Variants in CHN2 observed in about 807,000 individuals in gnomAD.
The protein encoded by CHN2 is beta-chimaerin.
In CHN2, 35 loss-of-function variants were observed where a neutral mutation model predicts 56.3. The observed-to-expected ratio is 0.62, with a 90% confidence interval of 0.47 to 0.82. The LOEUF is 0.82. Ranked by LOEUF, CHN2 falls within the 40% of genes least tolerant of loss-of-function variation. CHN2 has a pLI of 0.00. For missense variants in CHN2, 491 were observed against 580.5 expected (o/e 0.85, Z 1.58); for synonymous variants, 210 against 212.8 (o/e 0.99, Z 0.12).
At chr7:29,348,857 A>G (rs1360224528) in intron 1 of CHN2, among the ~76,000 whole-genome samples, 1 of 152,218 alleles carries the variant, frequency 6.6e-6, no homozygotes, top group Non-Finnish European at 1.5e-5. Flanking sequence ...AGTAAGCAGA[A>G]GAAGAAAATA....
rs1216887954 is a variant in CHN2, at chr7:29,273,326, CATATATATATATATGTGTATATATAT to C, written c.49+78351_49+78376del. Among the ~76,000 whole-genome samples, 52 of 79,786 alleles carry C rather than the reference CATATATATATATATGTGTATATATAT, an allele frequency of 6.5e-4. 2 individuals carry two copies. Among genetic ancestry groups the C allele is most frequent in the South Asian group, 1.3e-3 (3 of 2,346 alleles). The allele number at this position is 79,786 out of a possible 152,430, so 52.3% of individuals were successfully genotyped here. A position where few individuals can be genotyped will look rare whatever the true frequency, so the allele number is the denominator to read the frequency against. On this transcript the variant is annotated intron_variant, in intron 1 of 12. Transcript: ENST00000222792. ...TAAGGCTGAATAATATTCCATCATG[CATATATATATATATGTGTATATATAT>C]ATATATATATATATATATATATATA...
intron 3 of CHN2, 82 bp from the exon 4 acceptor site, chr7:29,393,597 A>G: frequency 1.6e-6 from 1 of 616,056 alleles, no homozygotes; most frequent in South Asian, 1.7e-5. Flanking sequence ...CCAGGACCCT[A>G]GTTCTGTTTA....
chr7:29,245,446 A>T (rs997160036), intron 1 of CHN2, among the ~76,000 whole-genome samples: 19 of 152,228 alleles, frequency 1.2e-4, no homozygotes, highest in African/African-American at 4.3e-4. Context: ...GGTGGTAGGT[A>T]CTTCAGTGGG....
rs150906841 is a variant in CHN2, at chr7:29,513,979, A to G, written c.*1244A>G. ...TAGATTTTTAAAAAATCCAACTGCA[A>G]TGTCTTTTCCTTTGATTGAGATGAT... On this transcript the variant is annotated 3_prime_UTR_variant, in exon 13 of 13. Coordinates refer to ENST00000222792, the MANE Select transcript of CHN2 (RefSeq NM_004067.4). 1.0e-4 allele frequency: 16 copies of G among 152,740 alleles called. No individual in the cohort carries two copies. Among genetic ancestry groups the G allele is most frequent in the Middle Eastern group, 3.4e-3 (1 of 294 alleles). 9.5% of individuals were successfully genotyped at this position (152,740 alleles called of 1,614,324 possible).
chr7:29,345,089 C>A (rs1216626992), intron 1 of CHN2, among the ~76,000 whole-genome samples: 2 of 152,198 alleles, frequency 1.3e-5, no homozygotes, highest in Non-Finnish European at 2.9e-5. Flanking sequence ...CTGGGCTCCC[C>A]TCTCCAGGCC....
intron 5 of CHN2, among the ~76,000 whole-genome samples, chr7:29,399,381 G>T (rs186512587): frequency 6.6e-6 from 1 of 152,178 alleles, no homozygotes; most frequent in African/African-American, 2.4e-5. Context: ...GGAACCTGTC[G>T]TGAGGGCAGT....
At chr7:29,162,922 A>G (rs886745215) in intron 2 of CHN2, among the ~76,000 whole-genome samples, 3 of 152,238 alleles carry the variant, frequency 2.0e-5, no homozygotes, top group Non-Finnish European at 4.4e-5. Context: ...TACATGTGAT[A>G]AAACGTTATA....
intron 3 of CHN2, among the ~76,000 whole-genome samples, chr7:29,390,791 T>TG (rs1801302786): frequency 6.6e-6 from 1 of 152,168 alleles, no homozygotes; most frequent in Admixed American, 6.5e-5. Flanking sequence ...AAGGCACTGC[T>TG]GGGGGCACAG....
At position 29,379,547 on chromosome 7, in the gene CHN2, A is replaced by T. The variant is rs1490710804; in HGVS notation, c.144+11560A>T. On this transcript the variant is annotated intron_variant, in intron 3 of 12. Coordinates refer to ENST00000222792, the MANE Select transcript of CHN2 (RefSeq NM_004067.4). The stretch of plus-strand genomic sequence containing the variant: ...TGGATAGAGGAATGAAAAAATATAT[A>T]TGCTGTAAAGCAAGAATAGTAAAAA... Among the ~76,000 whole-genome samples the T allele has an allele frequency of 3.9e-5, 6 of 152,374 alleles. No individual in the cohort carries two copies. The East Asian group carries it at 1.2e-3, about 29-fold the overall frequency.
At chr7:29,458,377 GCACACACACA>G (rs58364010) in intron 6 of CHN2, among the ~76,000 whole-genome samples, 42,615 of 135,796 alleles carry the variant, frequency 0.31, 6,192 homozygotes, top group East Asian at 0.39. Context: ...GCATAGCTGT[GCACACACACA>G]CACACACACA....
intron 1 of CHN2, among the ~76,000 whole-genome samples, chr7:29,290,167 G>A (rs566197219): frequency 9.9e-5 from 15 of 152,188 alleles, no homozygotes; most frequent in Non-Finnish European, 1.6e-4. Context: ...CACAAGGACC[G>A]TTTGACCAAA....
intron 1 of CHN2, among the ~76,000 whole-genome samples, chr7:29,312,189 C>T (rs1346915353): frequency 6.6e-6 from 1 of 151,562 alleles, no homozygotes; most frequent in East Asian, 2.0e-4. Context: ...AATGGCATTA[C>T]ATTTCTCATT....
intron 1 of CHN2, among the ~76,000 whole-genome samples, chr7:29,206,324 C>A (rs192880428): frequency 6.6e-6 from 1 of 152,234 alleles, no homozygotes; most frequent in Admixed American, 6.5e-5. Context: ...CTCTATCGCC[C>A]AGGCTGGAGT....
rs1554366761 is a variant in CHN2, at chr7:29,220,278, A to AGAGAGAGAG, written c.49+25288_49+25289insGAGAGAGAG. 1.9e-4 allele frequency among the ~76,000 whole-genome samples: 7 copies of AGAGAGAGAG among 37,754 alleles called. No homozygotes were observed. The South Asian group carries it at 3.5e-3, about 19-fold the overall frequency. The allele number at this position is 37,754 out of a possible 152,430, so 24.8% of individuals were successfully genotyped here. A position where few individuals can be genotyped will look rare whatever the true frequency, so the allele number is the denominator to read the frequency against. On this transcript the variant is annotated intron_variant, in intron 1 of 12. Transcript: ENST00000222792. ...GAGGGAGACCCTGTCTTAAAAAAAA[A>AGAGAGAGAG]AAAGAGAGAGAGAGAGAGAGAGAAA...
At chr7:29,407,743 C>T (rs762866326) in intron 6 of CHN2, among the ~76,000 whole-genome samples, 3 of 152,182 alleles carry the variant, frequency 2.0e-5, no homozygotes, top group Non-Finnish European at 2.9e-5. Context: ...AGATTACATC[C>T]GCTCATGAGA....
At chr7:29,219,060 G>A (rs73684625) in intron 1 of CHN2, among the ~76,000 whole-genome samples, 6 of 152,280 alleles carry the variant, frequency 3.9e-5, no homozygotes, top group African/African-American at 1.4e-4. Context: ...GGAGACTGAT[G>A]CAGTGCGTAT....
At position 29,413,318 on chromosome 7, in the gene CHN2, CTT is replaced by C. The variant is rs564188312; in HGVS notation, c.576+12492_576+12493del. Among the ~76,000 whole-genome samples, 34 of 152,342 alleles carry C rather than the reference CTT, an allele frequency of 2.2e-4. No homozygotes were observed. In the East Asian group the frequency reaches 6.6e-3, roughly 29 times the overall value. ...AAAGCACTGTCATTTGCAAGAGACACTTTAATACCCAAGTTGAGGATTAGAAG... is the reference window on the plus strand; with the variant it reads ...AAAGCACTGTCATTTGCAAGAGACACTAATACCCAAGTTGAGGATTAGAAG... On this transcript the variant is annotated intron_variant, in intron 6 of 12. Coordinates refer to ENST00000222792, the MANE Select transcript of CHN2 (RefSeq NM_004067.4).
chr7:29,152,384 A>G (rs183229649), intron 2 of CHN2, among the ~76,000 whole-genome samples: 50 of 152,276 alleles, frequency 3.3e-4, no homozygotes, highest in Non-Finnish European at 6.5e-4. Context: ...AGGTGCCAGA[A>G]AGCCAGTCCC....
At chr7:29,411,614 C>T (rs1245231429) in intron 6 of CHN2, among the ~76,000 whole-genome samples, 1 of 152,184 alleles carries the variant, frequency 6.6e-6, no homozygotes, top group African/African-American at 2.4e-5. Context: ...AAGTCAGAGC[C>T]AGGGGAAGAC....
Sources: gnomAD v4.1 joint callset for allele counts (sites outside exome capture counted in the v4.1 genomes callset) on GRCh38, gnomAD v4.1.1 for gene constraint, MANE v1.5 for transcripts, NCBI Gene and HGNC (gene_info 2026-07-23, HGNC 2026-07-21) for gene names.